The following SUCLG1 variants were observed in gnomAD, a reference collection of about 807,000 sequenced individuals.
SUCLG1 encodes succinate--CoA ligase [ADP/GDP-forming] subunit alpha, mitochondrial.
A neutral mutation model predicts 37.3 loss-of-function variants in SUCLG1; 26 were observed. The ratio of observed to expected loss-of-function variants is 0.70; its 90% CI spans 0.51 to 0.97. The LOEUF (loss-of-function observed/expected upper bound fraction) is 0.97. Ranked by LOEUF, SUCLG1 falls within the 50% of genes least tolerant of loss-of-function variation. The pLI is 0.00. For missense variants in SUCLG1, 433 were observed against 432.9 expected (o/e 1.00, Z 0.00); for synonymous variants, 163 against 155.6 (o/e 1.05, Z -0.36).
At chr2:84,427,902 A>C (rs960258073) in intron 7 of SUCLG1, among the ~76,000 whole-genome samples, 45 of 152,162 alleles carry the variant, frequency 3.0e-4, no homozygotes, top group African/African-American at 1.0e-3. Context: ...CATCAAGGAC[A>C]CTCATAAGTG....
Position 84,431,597 on chromosome 2 carries a change from C to A in SUCLG1, c.736G>T (p.Asp246Tyr). The A allele has an allele frequency of 6.8e-6, 11 of 1,613,958 alleles. No homozygotes were observed. Among genetic ancestry groups the A allele is most frequent in the Non-Finnish European group, 9.3e-6 (11 of 1,179,928 alleles). ...AATATGATGCCTTCTGTGGCAGAAT[C>A]GTTCAAAAAGATTTCGAGGCAGTCA... ...FIDCLEIFLNDSATEGIILIG... is the reference protein window; with the variant it reads ...FIDCLEIFLNYSATEGIILIG... The change falls in exon 7 of 9, where the codon GAT becomes TAT. Residue 246 changes from aspartate (D) to tyrosine (Y), a missense_variant. Asp to Tyr is a radical substitution (Grantham distance 160). Transcript: ENST00000393868.
chr2:84,447,309 C>CAAA (rs34028894), intron 2 of SUCLG1, among the ~76,000 whole-genome samples: 15 of 151,224 alleles, frequency 9.9e-5, no homozygotes, highest in African/African-American at 1.5e-4. Context: ...TTAAAAACAA[C>CAAA]AAAAAAAAGG....
intron 6 of SUCLG1, 37 bp downstream of exon 6, chr2:84,433,315 A>T: frequency 6.5e-7 from 1 of 1,548,022 alleles, no homozygotes; most frequent in Non-Finnish European, 8.9e-7. Context: ...TGAAGACACC[A>T]CACTCCAATA....
intron 1 of SUCLG1, among the ~76,000 whole-genome samples, chr2:84,453,420 TA>T (rs1291601895): frequency 4.6e-4 from 20 of 43,884 alleles, no homozygotes; most frequent in Admixed American, 6.9e-4. Context: ...TAAGTATTAT[TA>T]TTATTTTTTT....
intron 8 of SUCLG1, 103 bp downstream of exon 8, chr2:84,425,312 A>G: frequency 1.4e-6 from 2 of 1,422,246 alleles, no homozygotes; most frequent in Non-Finnish European, 9.8e-7. Context: ...CAGAAAACCA[A>G]TTAAGTCCCA....
At chr2:84,448,959 A>G (rs1206569073) in intron 2 of SUCLG1, 2 of 406,650 alleles carry the variant, frequency 4.9e-6, no homozygotes, top group Admixed American at 5.8e-5. Context: ...TGGGGAGTAG[A>G]AAGGTAGGAA....
chr2:84,436,516 C>T (rs556878397), intron 5 of SUCLG1, among the ~76,000 whole-genome samples: 10 of 152,252 alleles, frequency 6.6e-5, no homozygotes, highest in Middle Eastern at 6.8e-3. Context: ...GCCCTGCCCT[C>T]GAATCTGCCA....
chr2:84,433,788 T>C (rs1478372239), intron 5 of SUCLG1: 2 of 314,042 alleles, frequency 6.4e-6, no homozygotes, highest in Admixed American at 4.7e-5. Flanking sequence ...AGTGGCAGAA[T>C]GTAATAGATT....
intron 1 of SUCLG1, among the ~76,000 whole-genome samples, chr2:84,454,941 A>G (rs758531079): frequency 3.3e-4 from 50 of 152,224 alleles, no homozygotes; most frequent in Non-Finnish European, 6.9e-4. Flanking sequence ...CACCTCTCAA[A>G]CTGTGTCCCT....
chr2:84,458,097 C>T (rs1438290492), intron 1 of SUCLG1, among the ~76,000 whole-genome samples: 3 of 151,678 alleles, frequency 2.0e-5, no homozygotes, highest in Admixed American at 6.6e-5. Flanking sequence ...ATACGAGATG[C>T]TTTATATAAA....
At chr2:84,427,923 T>TTTTTC (rs1672558428) in intron 7 of SUCLG1, among the ~76,000 whole-genome samples, 1 of 152,218 alleles carries the variant, frequency 6.6e-6, no homozygotes. Context: ...AAACTGGCTT[T>TTTTTC]TTTTTTCTTT....
At chr2:84,438,129 T>C (rs1465546346) in intron 5 of SUCLG1, among the ~76,000 whole-genome samples, 1 of 152,232 alleles carries the variant, frequency 6.6e-6, no homozygotes, top group Admixed American at 6.5e-5. Flanking sequence ...AGAAAAGTTC[T>C]CTATATTGAC....
intron 1 of SUCLG1, among the ~76,000 whole-genome samples, chr2:84,452,937 C>T (rs1672962562): frequency 6.6e-6 from 1 of 152,186 alleles, no homozygotes; most frequent in Non-Finnish European, 1.5e-5. Context: ...CAATCTTGAA[C>T]TCCCACGTAT....
At chr2:84,449,021 T>C in intron 2 of SUCLG1, 1 of 305,948 alleles carries the variant, frequency 3.3e-6, no homozygotes, top group Non-Finnish European at 6.8e-6. Flanking sequence ...GCATCACAGA[T>C]ATATTTATTT....
chr2:84,439,654 G>A (rs1672738245), intron 5 of SUCLG1, among the ~76,000 whole-genome samples: 1 of 152,198 alleles, frequency 6.6e-6, no homozygotes, highest in African/African-American at 2.4e-5. Flanking sequence ...GACACCCACT[G>A]TGACAATTAA....
chr2:84,427,807 T>C (rs1310582343), intron 7 of SUCLG1, among the ~76,000 whole-genome samples: 2 of 152,200 alleles, frequency 1.3e-5, no homozygotes, highest in African/African-American at 4.8e-5. Context: ...CACAACTCAA[T>C]TGTGACAATG....
At chr2:84,444,497 C>G (rs1392674942) in intron 2 of SUCLG1, among the ~76,000 whole-genome samples, 1 of 152,102 alleles carries the variant, frequency 6.6e-6, no homozygotes, top group Non-Finnish European at 1.5e-5. Flanking sequence ...TAGAATATCA[C>G]AAGGCAAATG....
chr2:84,443,276 C>T lies in SUCLG1; in HGVS notation c.318+8G>A. On this transcript the variant is annotated splice_region_variant and intron_variant, in intron 3 of 8. Transcript: ENST00000393868. ...CTTGTCTTGCCAAACTCAGGTACCA[C>T]TAATTACCTCCTTCACAGTATTAAA... 1 of 1,609,510 alleles carries T rather than the reference C, an allele frequency of 6.2e-7. No homozygotes were observed. The highest frequency in any genetic ancestry group is 2.2e-5 in the East Asian group (1 of 44,830).
At chr2:84,447,345 T>G (rs1263830687) in intron 2 of SUCLG1, among the ~76,000 whole-genome samples, 1 of 152,144 alleles carries the variant, frequency 6.6e-6, no homozygotes, top group Non-Finnish European at 1.5e-5. Flanking sequence ...CAATGTTAAC[T>G]GCAGGTAACT....
Sources: allele counts gnomAD v4.1 joint callset (sites outside exome capture counted in the v4.1 genomes callset), GRCh38; gene constraint gnomAD v4.1.1; transcripts MANE v1.5; gene names NCBI Gene and HGNC (gene_info 2026-07-23, HGNC 2026-07-21).